CFI: variants seen among roughly 807,000 people sequenced by gnomAD.
CFI encodes complement factor I, also known as C3B/C4B inactivator.
In CFI, 66 loss-of-function variants were observed where a neutral mutation model predicts 78.8. The observed-to-expected ratio is 0.84, with a 90% CI of 0.69 to 1.03. The LOEUF is 1.03. CFI is among the 50% of genes least tolerant of loss of function. The pLI is 0.00. For synonymous variants in CFI, 250 were observed against 232.6 expected (o/e 1.07, Z -0.68); for missense variants, 706 against 704.5 (o/e 1.00, Z -0.02).
At chr4:109,766,855 C>CA in intron 1 of CFI, 31 bp from the exon 2 acceptor site, 1 of 1,611,494 alleles carries the variant, frequency 6.2e-7, no homozygotes. Context: ...ATTAACTTAG[C>CA]AACAAATTAA....
At chr4:109,759,086 C>G (rs149445989) in intron 6 of CFI, among the ~76,000 whole-genome samples, 1 of 152,174 alleles carries the variant, frequency 6.6e-6, no homozygotes, top group Non-Finnish European at 1.5e-5. Context: ...AAGCAAGACT[C>G]TGTCTCAAAA....
intron 6 of CFI, 115 bp downstream of exon 6, chr4:109,760,155 G>A: frequency 1.3e-6 from 1 of 755,884 alleles, no homozygotes; most frequent in Non-Finnish European, 2.4e-6. Context: ...CCCACTCAGT[G>A]TTCTTACTGC....
chr4:109,766,941 G>T, intron 1 of CFI, 117 bp from the exon 2 acceptor site: 1 of 968,176 alleles, frequency 1.0e-6, no homozygotes, highest in Non-Finnish European at 1.6e-6. Flanking sequence ...TGAGGATGGT[G>T]TTGTCTGGTG....
chr4:109,755,524 A>AGATTAATG (rs1726017444), intron 7 of CFI, among the ~76,000 whole-genome samples: 1 of 152,142 alleles, frequency 6.6e-6, no homozygotes, highest in African/African-American at 2.4e-5. Context: ...CCTCATTAAT[A>AGATTAATG]GATTAATGTC....
intron 1 of CFI, among the ~76,000 whole-genome samples, chr4:109,772,807 C>T (rs1288351404): frequency 1.3e-5 from 2 of 152,100 alleles, no homozygotes; most frequent in Admixed American, 6.6e-5. Context: ...TGGTCTTAAA[C>T]TCTTGGCCTT....
intron 1 of CFI, among the ~76,000 whole-genome samples, chr4:109,778,311 C>G (rs1357577413): frequency 6.6e-6 from 1 of 152,092 alleles, no homozygotes; most frequent in Admixed American, 6.6e-5. Flanking sequence ...CACCACCGAT[C>G]CCACAGAAAT....
downstream of CFI, among the ~76,000 whole-genome samples, chr4:109,738,766 C>T (rs1723529973): frequency 6.6e-6 from 1 of 152,154 alleles, no homozygotes; most frequent in South Asian, 2.1e-4. Context: ...CTAAGTCCGC[C>T]CAGCCCAGGC....
intron 3 of CFI, 181 bp downstream of exon 3, chr4:109,764,356 C>G: frequency 1.5e-6 from 1 of 681,266 alleles, no homozygotes; most frequent in Non-Finnish European, 2.6e-6. Flanking sequence ...TTGTTGTCAG[C>G]AGGGTTCCAA....
chr4:109,737,069 CT>C (rs1723414686), downstream of CFI, among the ~76,000 whole-genome samples: 1 of 152,140 alleles, frequency 6.6e-6, no homozygotes, highest in Non-Finnish European at 1.5e-5. Flanking sequence ...TTTATCCCTG[CT>C]TTAGTTTCTA....
At chr4:109,775,248 G>A (rs1729074589) in intron 1 of CFI, among the ~76,000 whole-genome samples, 1 of 152,154 alleles carries the variant, frequency 6.6e-6, no homozygotes, top group Non-Finnish European at 1.5e-5. Context: ...CCCTTTTCCA[G>A]CAAAGGGAAG....
At chr4:109,731,567 C>T in the CFI span, among the ~76,000 whole-genome samples, 1 of 152,156 alleles carries the variant, frequency 6.6e-6, no homozygotes, top group African/African-American at 2.4e-5. Flanking sequence ...CACTACTTTA[C>T]AAGGATGCAG....
chr4:109,794,556 G>A (rs1731809264), intron 1 of CFI: 1 of 152,072 alleles, frequency 6.6e-6, no homozygotes, highest in African/African-American at 2.4e-5. Context: ...CTTTGGGAGG[G>A]TGAGGTGGGT....
rs547636245 is a variant in CFI, at chr4:109,771,044, G to A, written c.58-4220C>T. On this transcript the variant is annotated intron_variant, in intron 1 of 12. Transcript: ENST00000394634. ...AGTTAGGGGTGGGAGACGGGTGATAGGAGTGCTTTTCATTTTAAGTAAGAT... is the reference window on the plus strand; with the variant it reads ...AGTTAGGGGTGGGAGACGGGTGATAAGAGTGCTTTTCATTTTAAGTAAGAT... Among the ~76,000 whole-genome samples the A allele has an allele frequency of 5.3e-5, 8 of 152,204 alleles. No individual in the cohort carries two copies. In the East Asian group the frequency reaches 1.2e-3, roughly 22 times the overall value.
rs1006018123 is a variant in CFI, at chr4:109,754,360, C to T, written c.905-1857G>A. ...TCCTGAGCTGACATGAAAAAGGCTC[C>T]TCTCAGTTTGTACAGGTATGGGTTA... On this transcript the variant is annotated intron_variant, in intron 7 of 12. Coordinates refer to ENST00000394634, the MANE Select transcript of CFI (RefSeq NM_000204.5). Among the ~76,000 whole-genome samples, 7 of 149,580 alleles carry T rather than the reference C, an allele frequency of 4.7e-5. No individual in the cohort carries two copies. In the Admixed American group the frequency reaches 4.7e-4, roughly 10 times the overall value.
chr4:109,740,621 T>C, downstream of CFI: 1 of 440,258 alleles, frequency 2.3e-6, no homozygotes, highest in Non-Finnish European at 4.2e-6. Context: ...ATTATTCAAT[T>C]AGTTGTAACT....
downstream of CFI, among the ~76,000 whole-genome samples, chr4:109,740,238 C>T (rs1723633343): frequency 6.6e-6 from 1 of 151,660 alleles, no homozygotes; most frequent in African/African-American, 2.4e-5. Flanking sequence ...CTGCAGTGAG[C>T]TATGATGGCA....
Position 109,760,383 on chromosome 4 carries a change from G to A in CFI, c.773-3C>T, listed in dbSNP as rs375483832. The A allele has an allele frequency of 2.2e-5, 36 of 1,610,032 alleles. No homozygotes were observed. Among genetic ancestry groups the A allele is most frequent in the Non-Finnish European group, 2.9e-5 (34 of 1,176,436 alleles). On this transcript the variant is annotated splice_region_variant and splice_polypyrimidine_tract_variant and intron_variant, in intron 5 of 12. Coordinates refer to ENST00000394634, the MANE Select transcript of CFI (RefSeq NM_000204.5). ...ATGGAAGCCTTTGCCTTGGCATGCT[G>A]TGCAAACATAAGCAGGAGAGGTTTT...
At chr4:109,795,648 T>C (rs866295062) in intron 1 of CFI, among the ~76,000 whole-genome samples, 1 of 152,170 alleles carries the variant, frequency 6.6e-6, no homozygotes, top group African/African-American at 2.4e-5. Context: ...AAATGAGATA[T>C]TCAACAAACA....
At chr4:109,791,625 T>A (rs370208866) in intron 1 of CFI, among the ~76,000 whole-genome samples, 143 of 152,270 alleles carry the variant, frequency 9.4e-4, no homozygotes, top group African/African-American at 3.0e-3. Context: ...GTATATGGTC[T>A]AAAGAAGGGG....
Sources: gnomAD v4.1 joint callset for allele counts (sites outside exome capture counted in the v4.1 genomes callset) on GRCh38, gnomAD v4.1.1 for gene constraint, MANE v1.5 for transcripts, NCBI Gene and HGNC (gene_info 2026-07-23, HGNC 2026-07-21) for gene names.